Variants in FANCA observed in about 807,000 individuals in gnomAD.
The protein encoded by FANCA is FA complementation group A.
FANCA carries 236 observed loss-of-function variants against 194.3 expected under a neutral mutation model. That is an observed-to-expected ratio of 1.21 (90% confidence interval 1.09 to 1.35). The LOEUF (loss-of-function observed/expected upper bound fraction) is 1.35, where lower values mean the gene tolerates loss of function less well. Ranked by LOEUF, FANCA falls within the 40% of genes most tolerant of loss-of-function variation. The pLI is 0.00. For synonymous variants in FANCA, 1,014 were observed against 715.8 expected (o/e 1.42, Z -6.65); for missense variants, 2,628 against 1,813.9 (o/e 1.45, Z -8.15).
At position 89,748,735 on chromosome 16, in the gene FANCA, C is replaced by T. The variant is rs1567603045; in HGVS notation, c.3272G>A (p.Cys1091Tyr). 6.2e-7 allele frequency: 1 copy of T among 1,614,006 alleles called. No homozygotes were observed. The highest frequency in any genetic ancestry group is 2.2e-5 in the East Asian group (1 of 44,896). ...ILLRLPSSVLCGSSFQAEQPI... is the reference protein window; with the variant it reads ...ILLRLPSSVLYGSSFQAEQPI... ...CTGTTCTGCCTGGAAGCTGCTGCCG[C>T]AGAGGACAGACGAAGGCAGGCGGAG... The change falls in exon 33 of 43, where the codon TGC becomes TAC. Residue 1091 changes from cysteine (C) to tyrosine (Y), a missense_variant. Physicochemically the swap from Cys to Tyr is radical, Grantham distance 194. Transcript: ENST00000389301.
chr16:89,812,553 G>T (rs964025099), intron 3 of FANCA, among the ~76,000 whole-genome samples: 8 of 149,366 alleles, frequency 5.4e-5, no homozygotes, highest in African/African-American at 2.0e-4. Context: ...GGCTGAGGCA[G>T]GAGAATCACT....
At position 89,775,789 on chromosome 16, in the gene FANCA, T is replaced by G; in HGVS notation, c.1853A>C (p.Tyr618Ser). 1 of 1,612,640 alleles carries G rather than the reference T, an allele frequency of 6.2e-7. No homozygotes were observed. The highest frequency in any genetic ancestry group is 8.5e-7 in the Non-Finnish European group (1 of 1,179,382). The change falls in exon 21 of 43, where the codon TAC becomes TCC. Residue 618 changes from tyrosine to serine, a missense_variant. Physicochemically the swap from Tyr to Ser is moderately radical, Grantham distance 144. Coordinates refer to ENST00000389301, the MANE Select transcript of FANCA (RefSeq NM_000135.4). ...AGAGCAGGCCTGGCAGTAGGTGGAG[T>G]ACAGAGATGGGGGGATTTTATCTGC... Reference protein sequence around the residue: ...KRADKIPPSLYSTYCQACSAA... With the variant: ...KRADKIPPSLSSTYCQACSAA...
intron 21 of FANCA, among the ~76,000 whole-genome samples, chr16:89,774,097 G>A (rs781355488): frequency 2.6e-5 from 4 of 152,032 alleles, no homozygotes; most frequent in East Asian, 1.9e-4. Flanking sequence ...AGGAAGATAC[G>A]CTGCATATGT....
chr16:89,754,904 T>G (rs1040522810), intron 30 of FANCA, among the ~76,000 whole-genome samples: 1 of 152,100 alleles, frequency 6.6e-6, no homozygotes, highest in Admixed American at 6.6e-5. Context: ...ATCCCAAAAT[T>G]AAGACACAAC....
In FANCA at chr16:89,752,133, C is replaced by T; in HGVS notation, c.3066+5G>A. On this transcript the variant is annotated splice_donor_5th_base_variant and intron_variant, in intron 31 of 42. Coordinates refer to ENST00000389301, the MANE Select transcript of FANCA (RefSeq NM_000135.4). ...TGCACTGAGTTGTGGCACCCTCAAA[C>T]TCACCTGCAATCTGGAAATAATATC... 1 of 1,613,812 alleles carries T rather than the reference C, an allele frequency of 6.2e-7. No individual in the cohort carries two copies. The highest frequency in any genetic ancestry group is 1.1e-5 in the South Asian group (1 of 91,070).
chr16:89,800,268 T>A (rs1256226854), intron 8 of FANCA, among the ~76,000 whole-genome samples: 6 of 152,246 alleles, frequency 3.9e-5, no homozygotes, highest in Non-Finnish European at 8.8e-5. Context: ...TCACCCTTGA[T>A]GCCTCTGGAG....
Position 89,739,236 on chromosome 16 carries a change from T to C in FANCA, c.4064A>G (p.His1355Arg). ...DAAIREEAFL[H>R]VAVDMYLKLV... ...CTTCAAGTACATGTCCACAGCAACA[T>C]GCAGGAAGGCCTCTTCCCTGATGGC... is the stretch of plus-strand genomic sequence containing the variant. The change falls in exon 41 of 43, where the codon CAT becomes CGT. Residue 1355 changes from histidine to arginine, a missense_variant. Physicochemically the swap from His to Arg is conservative, Grantham distance 29 (BLOSUM62 0). Transcript: ENST00000389301. 1 of 1,614,150 alleles carries C rather than the reference T, an allele frequency of 6.2e-7. No individual in the cohort carries two copies. The highest frequency in any genetic ancestry group is 8.5e-7 in the Non-Finnish European group (1 of 1,180,042).
intron 26 of FANCA, among the ~76,000 whole-genome samples, chr16:89,768,618 T>G (rs919593543): frequency 1.3e-5 from 2 of 151,920 alleles, no homozygotes; most frequent in Non-Finnish European, 2.9e-5. Flanking sequence ...ATCACGCTAC[T>G]GCACTCCAGC....
intron 35 of FANCA, among the ~76,000 whole-genome samples, chr16:89,746,111 G>T (rs2143100608): frequency 6.6e-6 from 1 of 152,312 alleles, no homozygotes; most frequent in South Asian, 2.1e-4. Context: ...CGGGACCCTG[G>T]GCTGCTAGGG....
At chr16:89,795,690 C>G (rs2040221033) in intron 11 of FANCA, among the ~76,000 whole-genome samples, 1 of 152,212 alleles carries the variant, frequency 6.6e-6, no homozygotes, top group Non-Finnish European at 1.5e-5. Context: ...ATTTTGTCCA[C>G]TCATAATTCT....
chr16:89,796,453 C>A (rs2040251270), intron 10 of FANCA, among the ~76,000 whole-genome samples: 1 of 152,132 alleles, frequency 6.6e-6, no homozygotes, highest in African/African-American at 2.4e-5. Flanking sequence ...ACACCAGGGC[C>A]TCAAACAGTC....
chr16:89,793,598 C>T (rs2040150017), intron 11 of FANCA, among the ~76,000 whole-genome samples: 1 of 152,056 alleles, frequency 6.6e-6, no homozygotes. Flanking sequence ...GCTTGCCGCC[C>T]ACAGGTTTTG....
chr16:89,784,721 G>T (rs2039839335), intron 15 of FANCA, 133 bp downstream of exon 15: 3 of 753,684 alleles, frequency 4.0e-6, no homozygotes, highest in Admixed American at 3.6e-5. Flanking sequence ...GGAAGGGGAA[G>T]GGGAAGGGGA....
At chr16:89,764,469 C>T (rs2039056531) in intron 28 of FANCA, among the ~76,000 whole-genome samples, 1 of 152,056 alleles carries the variant, frequency 6.6e-6, no homozygotes, top group Non-Finnish European at 1.5e-5. Context: ...CTGTGCCCAG[C>T]TAATTTTTGC....
rs2039288679 is a variant in FANCA, at chr16:89,770,575, A to G, written c.2211T>C (p.Ala737=). The G allele has an allele frequency of 6.2e-7, 1 of 1,610,200 alleles. No individual in the cohort carries two copies. Among genetic ancestry groups the G allele is most frequent in the Non-Finnish European group, 8.5e-7 (1 of 1,178,414 alleles). ...CQNLMAASSV[A]PPERQGPWAA... ...GCCCGCGCCTTCACCTCTCCGGGGG[A>G]GCGACACTGGAGGCAGCCATCAGGT... is the stretch of plus-strand genomic sequence containing the variant. The change falls in exon 24 of 43, where the codon GCT becomes GCC. Residue 737 remains alanine, a synonymous_variant. Transcript: ENST00000389301.
Position 89,783,068 on chromosome 16 carries a change from T to C in FANCA, c.1505A>G (p.Lys502Arg). ...HILHPPLVPG[K>R]YRSLLTDYIS... Reference sequence around the variant, plus strand: ...GTAGTCTGTGAGGAGGGAGCGGTACTTGCCGGGAACCAGGGGTGGGTGGAG... The same window carrying C: ...GTAGTCTGTGAGGAGGGAGCGGTACCTGCCGGGAACCAGGGGTGGGTGGAG... Residue 502 changes from lysine (K) to arginine (R), a missense_variant, in exon 16 of 43, where the codon AAG becomes AGG. Physicochemically the swap from Lys to Arg is conservative, Grantham distance 26. Coordinates refer to ENST00000389301, the MANE Select transcript of FANCA (RefSeq NM_000135.4). 1 of 1,613,512 alleles carries C rather than the reference T, an allele frequency of 6.2e-7. No homozygotes were observed. The highest frequency in any genetic ancestry group is 1.3e-5 in the African/African-American group (1 of 75,016).
At chr16:89,755,681 A>G (rs969814896) in intron 30 of FANCA, among the ~76,000 whole-genome samples, 9 of 152,268 alleles carry the variant, frequency 5.9e-5, no homozygotes, top group African/African-American at 2.2e-4. Context: ...ATTTGATAAG[A>G]ACTTTATCTA....
In FANCA at chr16:89,783,015, C is replaced by T. The variant is rs754123446; in HGVS notation, c.1558G>A (p.Asp520Asn). Residue 520 changes from aspartate to asparagine, a missense_variant, in exon 16 of 43, where the codon GAC becomes AAC. Asp to Asn is a conservative substitution (Grantham distance 23). Coordinates refer to ENST00000389301, the MANE Select transcript of FANCA (RefSeq NM_000135.4). ...ATGGAGGGACAGCTTGCCTTGAGGT[C>T]GGCCAGCCGTGTCTTGGCCAATGAG... ...YISLAKTRLA[D>N]LKVSIENMGL... 10 of 1,613,784 alleles carry T rather than the reference C, an allele frequency of 6.2e-6. No individual in the cohort carries two copies. Among genetic ancestry groups the T allele is most frequent in the Admixed American group, 3.3e-5 (2 of 59,986 alleles).
In FANCA at chr16:89,764,807, GTGC is replaced by G. The variant is rs1567614289; in HGVS notation, c.2778+80_2778+82del. ...TGCAGGGGAAGGAACGGTCACCTAC[GTGC>G]TGCTGTTCTTGCCCGAGGAGCACAC... On this transcript the variant is annotated intron_variant, in intron 28 of 42. Transcript: ENST00000389301. 4 of 1,490,156 alleles carry G rather than the reference GTGC, an allele frequency of 2.7e-6. No homozygotes were observed. In the South Asian group the frequency reaches 4.6e-5, roughly 17 times the overall value. 92.3% of individuals were successfully genotyped at this position (1,490,156 alleles called of 1,614,324 possible).
Sources: gnomAD v4.1 joint callset for allele counts (sites outside exome capture counted in the v4.1 genomes callset) on GRCh38, gnomAD v4.1.1 for gene constraint, MANE v1.5 for transcripts, NCBI Gene and HGNC (gene_info 2026-07-23, HGNC 2026-07-21) for gene names.